VSNL1: variants seen among roughly 807,000 people sequenced by gnomAD.
VSNL1 encodes the protein visinin like 1, also known as visinin-like protein 1.
A neutral mutation model predicts 20.4 loss-of-function variants in VSNL1; 6 were observed. The ratio of observed to expected loss-of-function variants is 0.29; its 90% CI spans 0.16 to 0.58. VSNL1 has a LOEUF of 0.58. VSNL1 is among the 20% of genes least tolerant of loss of function. The pLI, the probability that VSNL1 is intolerant of heterozygous loss-of-function variation, is 0.90. For missense variants in VSNL1, 100 were observed against 234.5 expected, an observed-to-expected ratio of 0.43 and a Z score of 3.75; for synonymous variants, 93 against 86.4, an observed-to-expected ratio of 1.08 and a Z score of -0.42.
intron 3 of VSNL1, among the ~76,000 whole-genome samples, chr2:17,651,106 T>C (rs1280867895): frequency 1.3e-5 from 2 of 152,176 alleles, no homozygotes; most frequent in African/African-American, 4.8e-5. Flanking sequence ...AGTAGGTTTT[T>C]CCAAGTTTTT....
chr2:17,599,479 A>G (rs779655407), intron 2 of VSNL1, among the ~76,000 whole-genome samples: 9 of 152,244 alleles, frequency 5.9e-5, no homozygotes, highest in Non-Finnish European at 8.8e-5. Flanking sequence ...AAAATCAAAA[A>G]TAATCAAAAA....
intron 2 of VSNL1, among the ~76,000 whole-genome samples, chr2:17,594,749 G>A (rs1273732047): frequency 1.3e-5 from 2 of 152,136 alleles, no homozygotes; most frequent in Admixed American, 6.5e-5. Flanking sequence ...AAGTCAACTC[G>A]GTTGCTAAAA....
chr2:17,636,793 C>T (rs1174377103), intron 2 of VSNL1, among the ~76,000 whole-genome samples: 1 of 151,968 alleles, frequency 6.6e-6, no homozygotes. Flanking sequence ...GCATTTGTGG[C>T]TCATGATATC....
At chr2:17,553,937 TTAAA>T (rs1663612355) in intron 1 of VSNL1, among the ~76,000 whole-genome samples, 1 of 152,208 alleles carries the variant, frequency 6.6e-6, no homozygotes, top group Non-Finnish European at 1.5e-5. Flanking sequence ...AATTGAGAAG[TTAAA>T]TAAATTCATA....
chr2:17,623,041 TAATCC>T (rs752413333), intron 2 of VSNL1, among the ~76,000 whole-genome samples: 61 of 152,204 alleles, frequency 4.0e-4, no homozygotes, highest in Non-Finnish European at 1.5e-4. Flanking sequence ...TCTGTCTCAG[TAATCC>T]ATAGCTAGTG....
At chr2:17,641,034 T>C (rs1665871429) in intron 2 of VSNL1, among the ~76,000 whole-genome samples, 1 of 152,222 alleles carries the variant, frequency 6.6e-6, no homozygotes, top group Non-Finnish European at 1.5e-5. Context: ...AATAGCTCTC[T>C]CCCCACGATT....
chr2:17,550,921 C>T (rs1485023967), intron 1 of VSNL1, among the ~76,000 whole-genome samples: 1 of 152,118 alleles, frequency 6.6e-6, no homozygotes, highest in African/African-American at 2.4e-5. Flanking sequence ...GTATACATGC[C>T]AACTCTCGCA....
At chr2:17,594,784 G>T (rs573671388) in intron 2 of VSNL1, among the ~76,000 whole-genome samples, 1 of 152,308 alleles carries the variant, frequency 6.6e-6, no homozygotes, top group Admixed American at 6.5e-5. Context: ...AGTGTTTAAG[G>T]AGGAGCAGGA....
At chr2:17,558,150 C>T (rs996962292) in intron 1 of VSNL1, among the ~76,000 whole-genome samples, 29 of 152,018 alleles carry the variant, frequency 1.9e-4, no homozygotes, top group African/African-American at 7.0e-4. Context: ...ATAATGAGAG[C>T]AGGAGAATAC....
chr2:17,630,172 G>A (rs903201860), intron 2 of VSNL1, among the ~76,000 whole-genome samples: 3 of 152,188 alleles, frequency 2.0e-5, no homozygotes, highest in Non-Finnish European at 2.9e-5. Context: ...AACTGTCTTT[G>A]CCTTGTCTTC....
At position 17,655,585 on chromosome 2, in the gene VSNL1, T is replaced by C. The variant is rs751733472; in HGVS notation, c.*191T>C. The C allele has an allele frequency of 8.7e-6, 5 of 574,778 alleles. No individual in the cohort carries two copies. The highest frequency in any genetic ancestry group is 1.9e-5 in the African/African-American group (1 of 53,488). 35.6% of individuals were successfully genotyped at this position (574,778 alleles called of 1,614,324 possible). A position where few individuals can be genotyped will look rare whatever the true frequency, so the allele number is the denominator to read the frequency against. On this transcript the variant is annotated 3_prime_UTR_variant, in exon 4 of 4. Coordinates refer to ENST00000295156, the MANE Select transcript of VSNL1 (RefSeq NM_003385.5). This position sits in a 1 kb window ranked among gnomAD's most constrained non-coding sequence, Gnocchi z 5.2. ...CATGAGAATGTCATTTGCTAATGAATTTTAAAAGCATATATAAAACAAAAC... is the reference window on the plus strand; with the variant it reads ...CATGAGAATGTCATTTGCTAATGAACTTTAAAAGCATATATAAAACAAAAC...
At chr2:17,622,571 A>AGAAG in intron 2 of VSNL1, among the ~76,000 whole-genome samples, 1 of 138,372 alleles carries the variant, frequency 7.2e-6, no homozygotes, top group Non-Finnish European at 1.7e-5. Context: ...AAAGAAAGAA[A>AGAAG]GAAAGAAAGA....
intron 1 of VSNL1, among the ~76,000 whole-genome samples, chr2:17,562,289 C>G (rs1329403941): frequency 2.7e-5 from 4 of 150,882 alleles, no homozygotes; most frequent in African/African-American, 9.8e-5. Flanking sequence ...TGAAAGAAAC[C>G]CTATTCAGTT....
intron 2 of VSNL1, among the ~76,000 whole-genome samples, chr2:17,621,417 G>C (rs1665356417): frequency 6.6e-6 from 1 of 151,846 alleles, no homozygotes; most frequent in Admixed American, 6.6e-5. Flanking sequence ...CTACCTCCCG[G>C]GTTCAAGCAA....
intron 2 of VSNL1, among the ~76,000 whole-genome samples, chr2:17,594,673 T>C (rs1294192695): frequency 6.6e-6 from 1 of 152,208 alleles, no homozygotes; most frequent in African/African-American, 2.4e-5. Flanking sequence ...GCCTCTGCCC[T>C]CCTGTGTGTG....
chr2:17,649,714 C>T lies in VSNL1; in HGVS notation c.378+89C>T, dbSNP rs1222529103. 4 of 1,265,586 alleles carry T rather than the reference C, an allele frequency of 3.2e-6. No homozygotes were observed. The highest frequency in any genetic ancestry group is 1.3e-5 in the South Asian group (1 of 75,244). 78.4% of individuals were successfully genotyped at this position (1,265,586 alleles called of 1,614,324 possible). On this transcript the variant is annotated intron_variant, in intron 3 of 3. Coordinates refer to ENST00000295156, the MANE Select transcript of VSNL1 (RefSeq NM_003385.5). The surrounding 1 kb of genome is among the most constrained non-coding windows in gnomAD (Gnocchi z 6.4). The stretch of plus-strand genomic sequence containing the variant: ...GGTGCAGGCCTTAGTGGCTTCTTCT[C>T]TCTCTGCTCGAGCCCTGCCAGCTGC...
chr2:17,585,866 T>C (rs911829883), intron 1 of VSNL1, among the ~76,000 whole-genome samples: 1 of 151,064 alleles, frequency 6.6e-6, no homozygotes. Context: ...AGTACAATGG[T>C]GCGATCTTGG....
At chr2:17,599,735 T>C (rs1209044802) in intron 2 of VSNL1, among the ~76,000 whole-genome samples, 1 of 152,234 alleles carries the variant, frequency 6.6e-6, no homozygotes, top group East Asian at 1.9e-4. Context: ...TAGCATTTCC[T>C]TCACTTTAAG....
intron 1 of VSNL1, among the ~76,000 whole-genome samples, chr2:17,551,373 A>G (rs914345084): frequency 6.6e-6 from 1 of 152,344 alleles, no homozygotes; most frequent in Non-Finnish European, 1.5e-5. Flanking sequence ...AATTAGACTA[A>G]ACTTTTTAAT....
Sources: gnomAD v4.1 joint callset for allele counts (sites outside exome capture counted in the v4.1 genomes callset) on GRCh38, gnomAD v4.1.1 for gene constraint, Gnocchi (gnomAD v3.1) non-coding constraint, MANE v1.5 for transcripts, NCBI Gene and HGNC (gene_info 2026-07-23, HGNC 2026-07-21) for gene names.